Variants in GSK3B observed in about 807,000 individuals in gnomAD.
GSK3B encodes the protein glycogen synthase kinase 3 beta.
Under a neutral mutation model 56.4 loss-of-function variants are expected in GSK3B, and 15 were observed. The ratio of observed to expected loss-of-function variants is 0.27; its 90% CI spans 0.18 to 0.41. The LOEUF (loss-of-function observed/expected upper bound fraction) is 0.41. Among genes scored for constraint, GSK3B ranks in the 10% least tolerant of loss-of-function variants. The pLI is 1.00. For synonymous variants in GSK3B, 181 were observed against 188.9 expected (o/e 0.96, Z 0.34); for missense variants, 300 against 513.4 (o/e 0.58, Z 4.02).
intron 3 of GSK3B, among the ~76,000 whole-genome samples, chr3:119,941,332 A>G (rs2057047131): frequency 6.6e-6 from 1 of 152,126 alleles, no homozygotes; most frequent in Non-Finnish European, 1.5e-5. Flanking sequence ...ACTACTATTA[A>G]TATTATAATC....
intron 2 of GSK3B, among the ~76,000 whole-genome samples, chr3:119,962,114 C>T (rs2057277827): frequency 6.6e-6 from 1 of 152,056 alleles, no homozygotes; most frequent in Admixed American, 6.6e-5. Flanking sequence ...GGTGGCCCAC[C>T]CCTGTAATCT....
chr3:119,907,239 G>A (rs1030743777), intron 6 of GSK3B, among the ~76,000 whole-genome samples: 3 of 151,972 alleles, frequency 2.0e-5, no homozygotes, highest in African/African-American at 7.2e-5. Flanking sequence ...TCTCTAATAC[G>A]GAATGATTCA....
chr3:119,837,873 ATTTATATTTTATATATAAATATATAT>A (rs1339964650), intron 10 of GSK3B, among the ~76,000 whole-genome samples: 25 of 146,708 alleles, frequency 1.7e-4, no homozygotes, highest in Non-Finnish European at 3.1e-4. Context: ...TATAATATAT[ATTTATATTTTATATATAAATATATAT>A]TTTATATATA....
intron 1 of GSK3B, among the ~76,000 whole-genome samples, chr3:120,020,352 T>G (rs938811331): frequency 2.0e-5 from 3 of 152,226 alleles, no homozygotes; most frequent in African/African-American, 7.2e-5. Context: ...TTTATTGCAC[T>G]TTGCAGAAAT....
intron 1 of GSK3B, among the ~76,000 whole-genome samples, chr3:120,090,837 T>A (rs2058506329): frequency 6.6e-6 from 1 of 152,190 alleles, no homozygotes; most frequent in African/African-American, 2.4e-5. Context: ...CTGCCCTCCA[T>A]CAGCTAACTT....
chr3:119,942,449 C>A (rs2057059229), intron 3 of GSK3B, among the ~76,000 whole-genome samples: 1 of 152,118 alleles, frequency 6.6e-6, no homozygotes, highest in African/African-American at 2.4e-5. Flanking sequence ...CAGGCACCCA[C>A]CACCACACCC....
At chr3:120,076,729 G>C (rs1397102427) in intron 1 of GSK3B, among the ~76,000 whole-genome samples, 1 of 149,002 alleles carries the variant, frequency 6.7e-6, no homozygotes, top group Non-Finnish European at 1.5e-5. Context: ...CAGGAGAATG[G>C]CGTGAACCCG....
At chr3:119,934,543 T>C (rs998662126) in intron 3 of GSK3B, among the ~76,000 whole-genome samples, 1 of 152,228 alleles carries the variant, frequency 6.6e-6, no homozygotes, top group African/African-American at 2.4e-5. Context: ...GGATCCTCAA[T>C]GTGGTATTCT....
intron 2 of GSK3B, among the ~76,000 whole-genome samples, chr3:119,947,847 G>C (rs948587969): frequency 2.8e-5 from 4 of 145,400 alleles, no homozygotes; most frequent in African/African-American, 1.0e-4. Context: ...TTTAGAAAAA[G>C]TGAATGCAGA....
Position 119,908,818 on chromosome 3 carries a change from T to C in GSK3B, c.716-2966A>G, listed in dbSNP as rs139739137. ...AGAATACACCTTCACTGGGTTAACATTTGTACTGAGGGTACAAAGGAAATG... is the reference window on the plus strand; with the variant it reads ...AGAATACACCTTCACTGGGTTAACACTTGTACTGAGGGTACAAAGGAAATG... On this transcript the variant is annotated intron_variant, in intron 6 of 10. Transcript: ENST00000264235. Among the ~76,000 whole-genome samples the C allele has an allele frequency of 1.5e-3, 223 of 152,308 alleles. 2 individuals are homozygous for C. In the East Asian group the frequency reaches 0.024, roughly 16 times the overall value.
In GSK3B at chr3:119,823,299, G is replaced by C. The variant is rs1033881463; in HGVS notation, c.*3489C>G. ...ATTAAAATGATATTTCATTGAGCAA[G>C]GGTAGAGATGGCGGGAGGGAGGAAA... On this transcript the variant is annotated 3_prime_UTR_variant, in exon 11 of 11. Transcript: ENST00000264235. The C allele has an allele frequency of 1.0e-4, 21 of 208,902 alleles. No individual in the cohort carries two copies. Among genetic ancestry groups the C allele is most frequent in the Non-Finnish European group, 1.9e-4 (20 of 102,730 alleles). The allele number at this position is 208,902 out of a possible 1,614,324, so 12.9% of individuals were successfully genotyped here. A position where few individuals can be genotyped will look rare whatever the true frequency, so the allele number is the denominator to read the frequency against.
intron 1 of GSK3B, chr3:120,029,791 A>G (rs1327878868): frequency 3.6e-6 from 2 of 554,060 alleles, no homozygotes; most frequent in Admixed American, 1.9e-5. Context: ...CTGTTTTGGA[A>G]GAACAGGGAG....
At chr3:119,970,644 G>A (rs1208866187) in intron 2 of GSK3B, among the ~76,000 whole-genome samples, 4 of 150,676 alleles carry the variant, frequency 2.7e-5, no homozygotes, top group Non-Finnish European at 4.4e-5. Context: ...AAAATTAGCC[G>A]GGCATGGTGG....
At chr3:120,059,376 GAAT>G (rs1365133050) in intron 1 of GSK3B, among the ~76,000 whole-genome samples, 3 of 152,154 alleles carry the variant, frequency 2.0e-5, no homozygotes, top group Non-Finnish European at 4.4e-5. Flanking sequence ...AGTGCTGGAT[GAAT>G]AAAAGTGGAA....
intron 2 of GSK3B, among the ~76,000 whole-genome samples, chr3:119,947,869 T>A (rs1175941766): frequency 7.9e-6 from 1 of 126,886 alleles, no homozygotes; most frequent in African/African-American, 3.1e-5. Flanking sequence ...CGAAACTCCA[T>A]CTCAAAAAAA....
chr3:120,009,336 A>ATATACCC (rs1342983393), intron 1 of GSK3B, among the ~76,000 whole-genome samples: 11 of 152,184 alleles, frequency 7.2e-5, no homozygotes, highest in African/African-American at 2.7e-4. Flanking sequence ...ATTACTCAGC[A>ATATACCC]TATACCCAAA....
intron 1 of GSK3B, among the ~76,000 whole-genome samples, chr3:120,008,123 A>T (rs575924217): frequency 1.3e-5 from 2 of 152,380 alleles, no homozygotes; most frequent in African/African-American, 4.8e-5. Context: ...GTGAACTCCC[A>T]TTCACAATGG....
At chr3:119,899,529 GA>G (rs1316535886) in intron 7 of GSK3B, among the ~76,000 whole-genome samples, 1 of 152,058 alleles carries the variant, frequency 6.6e-6, no homozygotes, top group Non-Finnish European at 1.5e-5. Context: ...CCCAATATTG[GA>G]AAACGTAGAA....
chr3:119,922,228 G>GGGACGGAAGGAA, intron 4 of GSK3B, among the ~76,000 whole-genome samples: 1 of 61,464 alleles, frequency 1.6e-5, no homozygotes, highest in Non-Finnish European at 2.7e-5. Flanking sequence ...GAAGGAAGGA[G>GGGACGGAAGGAA]GGAAGGAAGG....
Sources: allele counts gnomAD v4.1 joint callset (sites outside exome capture counted in the v4.1 genomes callset), GRCh38; gene constraint gnomAD v4.1.1; transcripts MANE v1.5; gene names NCBI Gene and HGNC (gene_info 2026-07-23, HGNC 2026-07-21).